PGM1: variants seen among roughly 807,000 people sequenced by gnomAD.
PGM1 encodes the protein phosphoglucomutase 1.
In PGM1, 52 loss-of-function variants were observed where a neutral mutation model predicts 55.6. That is an observed-to-expected ratio of 0.94 (90% CI 0.75 to 1.18). The LOEUF is 1.18. PGM1 is among the 50% of genes most tolerant of loss of function. The pLI, the probability that PGM1 is intolerant of heterozygous loss-of-function variation, is 0.00. For synonymous variants in PGM1, 287 were observed against 271.7 expected (o/e 1.06, Z -0.55); for missense variants, 724 against 729.3 (o/e 0.99, Z 0.08).
intron 8 of PGM1, among the ~76,000 whole-genome samples, chr1:63,649,391 A>G (rs1649744583): frequency 6.6e-6 from 1 of 152,198 alleles, no homozygotes; most frequent in African/African-American, 2.4e-5. Context: ...ACTTTTCACT[A>G]ATTCCAATTT....
chr1:63,593,831 G>A (rs2100948235), intron 1 of PGM1, 97 bp downstream of exon 1: 2 of 1,316,406 alleles, frequency 1.5e-6, no homozygotes, highest in South Asian at 2.2e-5. Flanking sequence ...CCGCTTCCGC[G>A]CGCTGCCGCC....
Position 63,660,042 on chromosome 1 carries a change from G to C in PGM1, c.*367G>C, listed in dbSNP as rs929757255. ...CCTTAGGATGTGGCAATGAAATGAT[G>C]GTGCAAGTTCCTTTCTCTTTTGTGA... On this transcript the variant is annotated 3_prime_UTR_variant, in exon 11 of 11. Coordinates refer to ENST00000371084, the MANE Select transcript of PGM1 (RefSeq NM_002633.3). 3 of 314,004 alleles carry C rather than the reference G, an allele frequency of 9.6e-6. No homozygotes were observed. Among genetic ancestry groups the C allele is most frequent in the Admixed American group, 4.3e-5 (1 of 23,474 alleles). The allele number at this position is 314,004 out of a possible 1,614,324, so 19.5% of individuals were successfully genotyped here.
chr1:63,627,052 G>GCC (rs1649036974), intron 1 of PGM1, among the ~76,000 whole-genome samples: 4 of 75,504 alleles, frequency 5.3e-5, no homozygotes, highest in African/African-American at 1.7e-4. Flanking sequence ...CATATGGCAG[G>GCC]ACCCCCCCCC....
intron 1 of PGM1, among the ~76,000 whole-genome samples, chr1:63,595,509 A>G (rs1165775520): frequency 6.6e-6 from 1 of 152,228 alleles, no homozygotes; most frequent in Non-Finnish European, 1.5e-5. Context: ...TCAGTGAGAG[A>G]AGATTGCCTG....
intron 8 of PGM1, among the ~76,000 whole-genome samples, chr1:63,650,134 C>T (rs900058995): frequency 9.2e-5 from 14 of 152,134 alleles, no homozygotes; most frequent in African/African-American, 3.4e-4. Context: ...ATCCTTAGTA[C>T]CTGCATTTAT....
At chr1:63,656,288 G>A (rs1441703830) in intron 10 of PGM1, among the ~76,000 whole-genome samples, 1 of 152,130 alleles carries the variant, frequency 6.6e-6, no homozygotes, top group African/African-American at 2.4e-5. Context: ...AACAAGTGTT[G>A]GGAAGGATGT....
intron 8 of PGM1, among the ~76,000 whole-genome samples, chr1:63,651,024 A>G (rs1237844024): frequency 1.3e-5 from 2 of 152,156 alleles, no homozygotes; most frequent in African/African-American, 4.8e-5. Flanking sequence ...ATTTACCTAT[A>G]TAACAAACCT....
chr1:63,622,024 C>T (rs932401805), intron 1 of PGM1, among the ~76,000 whole-genome samples: 1 of 152,070 alleles, frequency 6.6e-6, no homozygotes, highest in Non-Finnish European at 1.5e-5. Context: ...TTCACTTTTC[C>T]CTTCAAAACC....
At chr1:63,648,745 A>T in intron 8 of PGM1, 93 bp downstream of exon 8, 1 of 1,366,538 alleles carries the variant, frequency 7.3e-7, no homozygotes, top group South Asian at 1.2e-5. Flanking sequence ...CTTAAGTGCT[A>T]ATAAAACCCT....
chr1:63,660,007 C>T lies in PGM1; in HGVS notation c.*332C>T. 1 of 413,596 alleles carries T rather than the reference C, an allele frequency of 2.4e-6. No individual in the cohort carries two copies. Among genetic ancestry groups the T allele is most frequent in the South Asian group, 2.6e-5 (1 of 39,098 alleles). 25.6% of individuals were successfully genotyped at this position (413,596 alleles called of 1,614,324 possible). A position where few individuals can be genotyped will look rare whatever the true frequency, so the allele number is the denominator to read the frequency against. On this transcript the variant is annotated 3_prime_UTR_variant, in exon 11 of 11. Transcript: ENST00000371084. ...GTGGAGCATCAGCAGTGAGTGAGGCCATTCTTCATCCTTAGGATGTGGCAA... is the reference window on the plus strand; with the variant it reads ...GTGGAGCATCAGCAGTGAGTGAGGCTATTCTTCATCCTTAGGATGTGGCAA...
At position 63,623,350 on chromosome 1, in the gene PGM1, A is replaced by C. The variant is rs1461848734; in HGVS notation, c.247-6075A>C. ...GAGTGATCGTCCATGCAAACCCTCT[A>C]TTTTAGTTACTCATACGACACTGTT... On this transcript the variant is annotated intron_variant, in intron 1 of 10. Coordinates refer to ENST00000371084, the MANE Select transcript of PGM1 (RefSeq NM_002633.3). The C allele has an allele frequency of 4.6e-6, 7 of 1,515,888 alleles. No individual in the cohort carries two copies. In the South Asian group the frequency reaches 8.1e-5, roughly 18 times the overall value. 93.9% of individuals were successfully genotyped at this position (1,515,888 alleles called of 1,614,324 possible). A position where few individuals can be genotyped will look rare whatever the true frequency, so the allele number is the denominator to read the frequency against.
intron 8 of PGM1, among the ~76,000 whole-genome samples, chr1:63,650,413 C>G (rs900024539): frequency 7.2e-5 from 11 of 152,086 alleles, no homozygotes; most frequent in African/African-American, 2.4e-4. Context: ...ACCCAGAGGT[C>G]AAAAATGTAA....
intron 1 of PGM1, among the ~76,000 whole-genome samples, chr1:63,628,692 C>A (rs1363447513): frequency 2.6e-5 from 4 of 152,078 alleles, no homozygotes; most frequent in Non-Finnish European, 5.9e-5. Context: ...GATTTAGGAG[C>A]AGTACTGATA....
At chr1:63,625,365 G>C (rs1286288483) in intron 1 of PGM1, among the ~76,000 whole-genome samples, 1 of 152,170 alleles carries the variant, frequency 6.6e-6, no homozygotes, top group East Asian at 1.9e-4. Context: ...GCTTAGAGGT[G>C]AGAGCCACCT....
chr1:63,643,364 G>C (rs1251104251), intron 7 of PGM1, among the ~76,000 whole-genome samples: 1 of 152,186 alleles, frequency 6.6e-6, no homozygotes, highest in Non-Finnish European at 1.5e-5. Flanking sequence ...ATTCACATTT[G>C]TTGAGTGTAA....
chr1:63,598,509 A>G (rs1284518186), intron 1 of PGM1, among the ~76,000 whole-genome samples: 2 of 152,186 alleles, frequency 1.3e-5, no homozygotes, highest in African/African-American at 4.8e-5. Context: ...TTTTGAGATA[A>G]CTATAATAGG....
chr1:63,649,471 G>GA (rs1242304931), intron 8 of PGM1, among the ~76,000 whole-genome samples: 1 of 152,146 alleles, frequency 6.6e-6, no homozygotes, highest in African/African-American at 2.4e-5. Context: ...ATTATAGAGA[G>GA]AAAATATGGT....
chr1:63,612,244 C>T (rs550259354), intron 1 of PGM1, among the ~76,000 whole-genome samples: 5 of 145,228 alleles, frequency 3.4e-5, no homozygotes, highest in South Asian at 2.2e-4. Context: ...GGAACAAGAG[C>T]GAAACTCTGT....
At chr1:63,656,228 G>A (rs532657607) in intron 10 of PGM1, among the ~76,000 whole-genome samples, 15 of 152,292 alleles carry the variant, frequency 9.8e-5, no homozygotes, top group African/African-American at 3.4e-4. Flanking sequence ...ACCACAATGA[G>A]CTGTCACCTC....
Sources: gnomAD v4.1 joint callset for allele counts (sites outside exome capture counted in the v4.1 genomes callset) on GRCh38, gnomAD v4.1.1 for gene constraint, MANE v1.5 for transcripts, NCBI Gene and HGNC (gene_info 2026-07-23, HGNC 2026-07-21) for gene names.